Variants in RAD51B observed in about 807,000 individuals in gnomAD.
RAD51B encodes the protein RAD51 paralog B.
In RAD51B, 38 loss-of-function variants were observed where a neutral mutation model predicts 42.2. The ratio of observed to expected loss-of-function variants is 0.90; its 90% CI spans 0.70 to 1.18. The LOEUF (loss-of-function observed/expected upper bound fraction) is 1.18. Among genes scored for constraint, RAD51B ranks in the 50% most tolerant of loss-of-function variants. The pLI is 0.00. For synonymous variants in RAD51B, 154 were observed against 145.2 expected, an observed-to-expected ratio of 1.06 and a Z score of -0.43; for missense variants, 373 against 400.7, an observed-to-expected ratio of 0.93 and a Z score of 0.59.
intron 5 of RAD51B, among the ~76,000 whole-genome samples, chr14:67,883,618 T>A (rs1479811087): frequency 6.6e-6 from 1 of 152,212 alleles, no homozygotes; most frequent in Non-Finnish European, 1.5e-5. Flanking sequence ...TCAGTTCACC[T>A]GACATAAAAT....
intron 10 of RAD51B, among the ~76,000 whole-genome samples, chr14:68,510,773 A>G (rs2842343): frequency 0.87 from 132,817 of 152,166 alleles, 58,185 homozygotes; most frequent in Admixed American, 0.92. Context: ...TCATTATGTT[A>G]TTTGGTTCCT....
chr14:68,040,083 T>A (rs949631219), intron 7 of RAD51B, among the ~76,000 whole-genome samples: 1 of 152,220 alleles, frequency 6.6e-6, no homozygotes, highest in Non-Finnish European at 1.5e-5. Context: ...ATCTTATGGA[T>A]AGCTTCACAA....
intron 10 of RAD51B, among the ~76,000 whole-genome samples, chr14:68,501,641 G>A (rs1884925208): frequency 6.6e-6 from 1 of 152,244 alleles, no homozygotes; most frequent in African/African-American, 2.4e-5. Context: ...TTAACCCCTT[G>A]GACTGAGAAC....
chr14:67,944,131 A>G (rs2140188373), intron 7 of RAD51B, among the ~76,000 whole-genome samples: 1 of 151,902 alleles, frequency 6.6e-6, no homozygotes, highest in South Asian at 2.1e-4. Context: ...AAACTAAAGC[A>G]CATTTTAATG....
At chr14:68,103,106 A>T (rs2077319221) in intron 7 of RAD51B, among the ~76,000 whole-genome samples, 1 of 152,212 alleles carries the variant, frequency 6.6e-6, no homozygotes, top group Non-Finnish European at 1.5e-5. Flanking sequence ...CTCCCATGAC[A>T]CATGGGGATT....
rs561437962 is a variant in RAD51B, at chr14:68,645,529, G to C, written c.1037-5252G>C. Among the ~76,000 whole-genome samples the C allele has an allele frequency of 3.9e-5, 6 of 152,272 alleles. No individual in the cohort carries two copies. The South Asian group carries it at 1.2e-3, about 32-fold the overall frequency. On this transcript the variant is annotated intron_variant, in intron 10 of 11. Transcript: ENST00000488612. ...GTATGTACCCAGAAGTGGAATTGCT[G>C]GATTCTAATACAGTAATTCTATTTT...
intron 5 of RAD51B, among the ~76,000 whole-genome samples, chr14:67,882,332 C>A (rs1386179914): frequency 6.6e-6 from 1 of 152,174 alleles, no homozygotes; most frequent in Admixed American, 6.6e-5. Context: ...GTCACCTCCT[C>A]CTCTCAGTCC....
At chr14:68,019,926 C>T (rs1446833520) in intron 7 of RAD51B, among the ~76,000 whole-genome samples, 1 of 152,116 alleles carries the variant, frequency 6.6e-6, no homozygotes, top group Non-Finnish European at 1.5e-5. Context: ...TTACACATTG[C>T]ACTTTCTCTT....
At chr14:68,538,395 A>G (rs1264656725) in intron 10 of RAD51B, among the ~76,000 whole-genome samples, 1 of 152,220 alleles carries the variant, frequency 6.6e-6, no homozygotes, top group Non-Finnish European at 1.5e-5. Context: ...TGCAACTCCA[A>G]GATGTCCCAG....
intron 10 of RAD51B, among the ~76,000 whole-genome samples, chr14:68,588,739 G>A (rs1890605531): frequency 6.6e-6 from 1 of 152,214 alleles, no homozygotes; most frequent in Non-Finnish European, 1.5e-5. Context: ...TTGAGAGAGA[G>A]TAGGATTCTC....
intron 8 of RAD51B, among the ~76,000 whole-genome samples, chr14:68,315,521 T>C (rs544309197): frequency 7.2e-4 from 109 of 152,224 alleles, no homozygotes; most frequent in African/African-American, 2.6e-3. Context: ...TTAGGTTTTT[T>C]TTCTTTTTTT....
At chr14:68,448,591 G>C (rs771871302) in intron 9 of RAD51B, among the ~76,000 whole-genome samples, 9 of 152,188 alleles carry the variant, frequency 5.9e-5, no homozygotes, top group Non-Finnish European at 1.2e-4. Flanking sequence ...ATTCAGTTCT[G>C]AGTAGTCATT....
chr14:68,081,688 C>T (rs1016106254), intron 7 of RAD51B, among the ~76,000 whole-genome samples: 4 of 152,160 alleles, frequency 2.6e-5, no homozygotes, highest in African/African-American at 4.8e-5. Context: ...CCCTTGTCCC[C>T]GTCGCAGGGC....
intron 10 of RAD51B, among the ~76,000 whole-genome samples, chr14:68,568,465 T>C (rs776299041): frequency 1.4e-4 from 21 of 152,218 alleles, no homozygotes; most frequent in Admixed American, 1.3e-4. Flanking sequence ...TACCAGACCA[T>C]TGGCATGATA....
chr14:68,448,026 C>T (rs189829087), intron 9 of RAD51B, among the ~76,000 whole-genome samples: 8 of 152,270 alleles, frequency 5.3e-5, no homozygotes, highest in Non-Finnish European at 1.0e-4. Context: ...CTAGCTGGAT[C>T]GGCAAGTCTG....
intron 8 of RAD51B, among the ~76,000 whole-genome samples, chr14:68,378,002 C>T (rs931983336): frequency 6.6e-6 from 1 of 152,150 alleles, no homozygotes; most frequent in Non-Finnish European, 1.5e-5. Flanking sequence ...GCTGGTCATT[C>T]TGAAACTTAA....
chr14:68,094,783 G>A (rs1348611020), intron 7 of RAD51B, among the ~76,000 whole-genome samples: 1 of 152,210 alleles, frequency 6.6e-6, no homozygotes, highest in Non-Finnish European at 1.5e-5. Flanking sequence ...GCTGGAAAAA[G>A]TTAATTGAAG....
chr14:68,408,993 C>T (rs183036139), intron 8 of RAD51B, among the ~76,000 whole-genome samples: 174 of 152,144 alleles, frequency 1.1e-3, no homozygotes, highest in Middle Eastern at 3.4e-3. Flanking sequence ...TTAATGGTTG[C>T]CAAGAGCTGG....
In RAD51B at chr14:68,456,869, A is replaced by ATTTTTTTTTTTTTTTTT. The variant is rs71129889; in HGVS notation, c.958-11267_958-11251dup. ...AAACTTCTCCAATCACAATGGAATG[A>ATTTTTTTTTTTTTTTTT]TTTTTTTTTTTTTTTTTTTTTTTTT... On this transcript the variant is annotated intron_variant, in intron 9 of 10. Transcript: ENST00000471583. Among the ~76,000 whole-genome samples the ATTTTTTTTTTTTTTTTT allele has an allele frequency of 1.4e-4, 9 of 66,364 alleles. 4 individuals are homozygous for ATTTTTTTTTTTTTTTTT. The highest frequency in any genetic ancestry group is 2.7e-4 in the Non-Finnish European group (9 of 32,920). 43.5% of individuals were successfully genotyped at this position (66,364 alleles called of 152,430 possible).
Sources: gnomAD v4.1 joint callset for allele counts (sites outside exome capture counted in the v4.1 genomes callset) on GRCh38, gnomAD v4.1.1 for gene constraint, MANE v1.5 for transcripts, NCBI Gene and HGNC (gene_info 2026-07-23, HGNC 2026-07-21) for gene names.